PAGE2B: variants seen among roughly 807,000 people sequenced by gnomAD.
The protein encoded by PAGE2B is PAGE family member 2B, also known as putative G antigen family E member 3.
In PAGE2B, 5 loss-of-function variants were observed where a neutral mutation model predicts 7.6. That is an observed-to-expected ratio of 0.66 (90% CI 0.34 to 1.38). PAGE2B has a LOEUF of 1.38. PAGE2B is among the 40% of genes most tolerant of loss of function. The pLI is 0.04. For missense variants in PAGE2B, 70 were observed against 78.4 expected, an observed-to-expected ratio of 0.89 and a Z score of 0.41; for synonymous variants, 29 against 26.7, an observed-to-expected ratio of 1.09 and a Z score of -0.27.
chrX:55,043,511 C>T, the PAGE2B span, among the ~76,000 whole-genome samples: 26 of 110,286 alleles, frequency 2.4e-4, no homozygotes, highest in African/African-American at 7.3e-4. Context: ...AAATCCCATC[C>T]GAAAGTATTG....
At chrX:55,044,607 A>T in the PAGE2B span, 3 of 99,758 alleles carry the variant, frequency 3.0e-5, no homozygotes, top group Admixed American at 1.1e-4. Flanking sequence ...CTATTAAAAT[A>T]AAAAAAAAAA....
chrX:55,055,804 A>T, the PAGE2B span: 1 of 112,491 alleles, frequency 8.9e-6, no homozygotes, highest in African/African-American at 3.3e-5. Flanking sequence ...ATTTCCCACA[A>T]TCCTTCATTA....
chrX:55,032,313 A>T, the PAGE2B span, among the ~76,000 whole-genome samples: 1 of 112,177 alleles, frequency 8.9e-6, no homozygotes, highest in African/African-American at 3.2e-5. Flanking sequence ...TGTTATTTTC[A>T]ATTTTTAAAA....
At chrX:55,076,420 GTATGTATGTATA>G in intron 2 of PAGE2B, 137 bp from the exon 3 acceptor site, 1 of 523,475 alleles carries the variant, frequency 1.9e-6, no homozygotes, top group Non-Finnish European at 3.0e-6. Context: ...ATGTATATAC[GTATGTATGTATA>G]TATACATATA....
chrX:55,066,159 C>T, the PAGE2B span, among the ~76,000 whole-genome samples: 14 of 111,752 alleles, frequency 1.3e-4, no homozygotes, highest in Non-Finnish European at 1.5e-4. Context: ...GGCATGATCT[C>T]GGCTCACTGC....
At chrX:55,029,960 C>G in the PAGE2B span, among the ~76,000 whole-genome samples, 307 of 94,623 alleles carry the variant, frequency 3.2e-3, 2 homozygotes, top group African/African-American at 0.011. Context: ...CCCACCCCCC[C>G]ACCCCTTTTG....
chrX:55,039,890 A>G, the PAGE2B span, among the ~76,000 whole-genome samples: 3 of 111,504 alleles, frequency 2.7e-5, no homozygotes, highest in African/African-American at 9.8e-5. Flanking sequence ...ATTGCTTTCC[A>G]TTTGCCAATG....
At chrX:55,065,813 A>G in the PAGE2B span, among the ~76,000 whole-genome samples, 2 of 112,396 alleles carry the variant, frequency 1.8e-5, no homozygotes, top group African/African-American at 6.5e-5. Flanking sequence ...AAAAAACCCA[A>G]CAAACATGTA....
At chrX:55,049,378 A>C in the PAGE2B span, among the ~76,000 whole-genome samples, 2 of 112,005 alleles carry the variant, frequency 1.8e-5, no homozygotes, top group South Asian at 7.5e-4. Flanking sequence ...TTCAGAAGGA[A>C]TGGTACCAGC....
At chrX:55,064,663 G>A in the PAGE2B span, among the ~76,000 whole-genome samples, 1 of 109,428 alleles carries the variant, frequency 9.1e-6, no homozygotes, top group Non-Finnish European at 1.9e-5. Context: ...TGTATTTGTT[G>A]TTTTTTGATA....
At chrX:55,046,274 C>A in the PAGE2B span, among the ~76,000 whole-genome samples, 2 of 110,764 alleles carry the variant, frequency 1.8e-5, no homozygotes, top group African/African-American at 6.6e-5. Context: ...TCACCACGCC[C>A]AGCTAAATTT....
chrX:55,047,236 T>C, the PAGE2B span, among the ~76,000 whole-genome samples: 2 of 111,406 alleles, frequency 1.8e-5, no homozygotes, highest in African/African-American at 3.3e-5. Context: ...GCTTCATCCA[T>C]GTCCCTACAA....
At chrX:55,039,887 T>G in the PAGE2B span, among the ~76,000 whole-genome samples, 1 of 112,063 alleles carries the variant, frequency 8.9e-6, no homozygotes, top group Non-Finnish European at 1.9e-5. Flanking sequence ...CTTATTGCTT[T>G]CCATTTGCCA....
At chrX:55,064,850 A>G in the PAGE2B span, among the ~76,000 whole-genome samples, 1 of 111,643 alleles carries the variant, frequency 9.0e-6, no homozygotes, top group African/African-American at 3.3e-5. Context: ...ATGTACTTCT[A>G]TAGTTTCCAA....
chrX:55,047,320 G>C, the PAGE2B span, among the ~76,000 whole-genome samples: 1 of 111,911 alleles, frequency 8.9e-6, no homozygotes, highest in African/African-American at 3.2e-5. Flanking sequence ...TCTTAATCCA[G>C]TCTATCATTG....
At chrX:55,048,959 T>A in the PAGE2B span, among the ~76,000 whole-genome samples, 2 of 111,962 alleles carry the variant, frequency 1.8e-5, no homozygotes, top group Admixed American at 1.9e-4. Flanking sequence ...AGATAGCTCT[T>A]ATTATTTTGA....
At chrX:55,049,448 G>A in the PAGE2B span, among the ~76,000 whole-genome samples, 461 of 111,093 alleles carry the variant, frequency 4.1e-3, 4 homozygotes, top group African/African-American at 0.015. Flanking sequence ...GACTTTTTTT[G>A]GTTGGTAGGC....
chrX:55,060,908 A>G, the PAGE2B span, among the ~76,000 whole-genome samples: 1 of 111,404 alleles, frequency 9.0e-6, no homozygotes, highest in Non-Finnish European at 1.9e-5. Context: ...ATGTAGAAAT[A>G]TATCACTACT....
the PAGE2B span, among the ~76,000 whole-genome samples, chrX:55,049,297 G>T: frequency 9.0e-6 from 1 of 111,510 alleles, no homozygotes; most frequent in East Asian, 2.8e-4. Context: ...CCAGGCTTTG[G>T]TATCAGGATG....
Sources: gnomAD v4.1 joint callset for allele counts (sites outside exome capture counted in the v4.1 genomes callset) on GRCh38, gnomAD v4.1.1 for gene constraint, MANE v1.5 for transcripts, NCBI Gene and HGNC (gene_info 2026-07-23, HGNC 2026-07-21) for gene names.